Variants in ZNF492 observed in about 807,000 individuals in gnomAD.
ZNF492 encodes the protein zinc finger protein 115 (Y20).
In ZNF492, 3 loss-of-function variants were observed where a neutral mutation model predicts 6.4. That is an observed-to-expected ratio of 0.47 (90% CI 0.21 to 1.22). ZNF492 has a LOEUF of 1.22. ZNF492 is among the 50% of genes most tolerant of loss of function. ZNF492 has a pLI of 0.22. For synonymous variants in ZNF492, 112 were observed against 205.3 expected (o/e 0.55, Z 3.89); for missense variants, 356 against 612.5 (o/e 0.58, Z 4.42).
intron 1 of ZNF492, among the ~76,000 whole-genome samples, chr19:22,649,351 A>G (rs1342537787): frequency 6.6e-6 from 1 of 151,968 alleles, no homozygotes; most frequent in Non-Finnish European, 1.5e-5. Context: ...CTGTCTGACT[A>G]CCCTTAACAT....
In ZNF492 at chr19:22,642,384, C is replaced by CTTTTT. The variant is rs869202400; in HGVS notation, c.-94+7929_-94+7933dup. ...ATTAACAGCTAAATAAACCTTTTGT[C>CTTTTT]TTTTTTTTTTTTTTTTTTTTTTTGA... On this transcript the variant is annotated intron_variant, in intron 1 of 3. Coordinates refer to ENST00000456783, the MANE Select transcript of ZNF492 (RefSeq NM_020855.3). Among the ~76,000 whole-genome samples, 147 of 85,466 alleles carry CTTTTT rather than the reference C, an allele frequency of 1.7e-3. 5 individuals carry two copies. Among genetic ancestry groups the CTTTTT allele is most frequent in the Middle Eastern group, 0.01 (1 of 100 alleles). The allele number at this position is 85,466 out of a possible 152,430, so 56.1% of individuals were successfully genotyped here.
At chr19:22,652,027 T>G (rs910788315) in intron 1 of ZNF492, among the ~76,000 whole-genome samples, 35 of 152,252 alleles carry the variant, frequency 2.3e-4, no homozygotes, top group Admixed American at 1.8e-3. Flanking sequence ...ATCATAGCAG[T>G]GATGCCGTGT....
chr19:22,648,558 C>T (rs1434047503), intron 1 of ZNF492, among the ~76,000 whole-genome samples: 2 of 152,104 alleles, frequency 1.3e-5, no homozygotes, highest in East Asian at 1.9e-4. Context: ...TTAAAGTCTC[C>T]CACTGATTGT....
chr19:22,653,239 T>G, intron 1 of ZNF492, 68 bp from the exon 2 acceptor site: 1 of 1,566,784 alleles, frequency 6.4e-7, no homozygotes, highest in African/African-American at 1.4e-5. Context: ...TGTTTTACCT[T>G]GAGTCAAATT....
In ZNF492 at chr19:22,664,651, A is replaced by G; in HGVS notation, c.982A>G (p.Lys328Glu). ...FSQLSHLTTH[K>E]RIHSGEKPYK... is the part of the protein sequence containing the mutation. ...CCAGTTATCCCACCTTACTACACAT[A>G]AGAGAATTCATTCTGGAGAGAAACC... Residue 328 changes from lysine (K) to glutamate (E), a missense_variant, in exon 4 of 4, where the codon AAG (lysine) becomes GAG (glutamate). Physicochemically the swap from Lys to Glu is moderately conservative, Grantham distance 56. Transcript: ENST00000456783. 3.1e-6 allele frequency: 5 copies of G among 1,612,886 alleles called. No homozygotes were observed. The highest frequency in any genetic ancestry group is 4.2e-6 in the Non-Finnish European group (5 of 1,179,198).
rs189985588 is a variant in ZNF492, at chr19:22,653,286, G to A, written c.-93-21G>A. 1.2e-5 allele frequency: 20 copies of A among 1,609,906 alleles called. No individual in the cohort carries two copies. In the African/African-American group the frequency reaches 2.0e-4, roughly 16 times the overall value. On this transcript the variant is annotated intron_variant, in intron 1 of 3. Coordinates refer to ENST00000456783, the MANE Select transcript of ZNF492 (RefSeq NM_020855.3). ...TCATGGCCACTTGGTAAATATGTAT[G>A]TGTGTTTGTATGTTTTTCAGGGAGT...
rs1972084322 is a variant in ZNF492, at chr19:22,663,833, C to G, written c.164C>G (p.Pro55Arg). Residue 55 changes from proline to arginine, a missense_variant, in exon 4 of 4, where the codon CCA becomes CGA. Pro to Arg is a moderately radical substitution (Grantham distance 103). Coordinates refer to ENST00000456783, the MANE Select transcript of ZNF492 (RefSeq NM_020855.3). ...VCSYFARDLW[P>R]KQGKKNYFQK... The stretch of plus-strand genomic sequence containing the variant: ...TCTTATTTTGCCCGAGACCTTTGGC[C>G]AAAGCAGGGCAAAAAAAATTATTTC... 3.9e-6 allele frequency: 6 copies of G among 1,539,690 alleles called. No individual in the cohort carries two copies. In the South Asian group the frequency reaches 6.5e-5, roughly 17 times the overall value.
rs1313061754 is a variant in ZNF492, at chr19:22,655,801, C to T, written c.130+1786C>T. Among the ~76,000 whole-genome samples, 3 of 130,800 alleles carry T rather than the reference C, an allele frequency of 2.3e-5. No homozygotes were observed. In the South Asian group the frequency reaches 7.6e-4, roughly 33 times the overall value. The allele number at this position is 130,800 out of a possible 152,430, so 85.8% of individuals were successfully genotyped here. On this transcript the variant is annotated intron_variant, in intron 3 of 3. Coordinates refer to ENST00000456783, the MANE Select transcript of ZNF492 (RefSeq NM_020855.3). Reference sequence around the variant, plus strand: ...GAGTTTGAAGGAGCAAACACCTCTTCAAGTTTTTCTTGTTGTTTTTTTTTT... The same window carrying T: ...GAGTTTGAAGGAGCAAACACCTCTTTAAGTTTTTCTTGTTGTTTTTTTTTT...
At chr19:22,642,738 A>G (rs1324624837) in intron 1 of ZNF492, among the ~76,000 whole-genome samples, 1 of 151,980 alleles carries the variant, frequency 6.6e-6, no homozygotes, top group Non-Finnish European at 1.5e-5. Context: ...CCTGAGATTC[A>G]TTGCTTTGTG....
intron 1 of ZNF492, among the ~76,000 whole-genome samples, chr19:22,640,490 C>A (rs1163004170): frequency 6.6e-6 from 1 of 152,154 alleles, no homozygotes; most frequent in Non-Finnish European, 1.5e-5. Flanking sequence ...CCTTGCATCC[C>A]CAAAATAAAC....
In ZNF492 at chr19:22,637,122, A is replaced by G. The variant is rs189872774; in HGVS notation, c.-94+2648A>G. ...AGGCTCTTGCCACCACGCCCGGGTA[A>G]TTTTTTGTGTTTTTATTTATTTATT... is the stretch of plus-strand genomic sequence containing the variant. On this transcript the variant is annotated intron_variant, in intron 1 of 3. Transcript: ENST00000456783. Among the ~76,000 whole-genome samples the G allele has an allele frequency of 3.7e-3, 551 of 149,934 alleles. 5 individuals carry two copies. The highest frequency in any genetic ancestry group is 0.013 in the African/African-American group (523 of 40,562).
At chr19:22,650,133 G>T (rs1430696034) in intron 1 of ZNF492, among the ~76,000 whole-genome samples, 1 of 152,086 alleles carries the variant, frequency 6.6e-6, no homozygotes, top group East Asian at 1.9e-4. Flanking sequence ...TGTTGCTGTT[G>T]TTCATTTCTG....
chr19:22,645,832 G>A (rs1971871911), intron 1 of ZNF492, among the ~76,000 whole-genome samples: 1 of 152,098 alleles, frequency 6.6e-6, no homozygotes, highest in South Asian at 2.1e-4. Flanking sequence ...GATGGTTGTA[G>A]ACGTGTGGTG....
intron 1 of ZNF492, 109 bp from the exon 2 acceptor site, chr19:22,653,198 C>T: frequency 2.4e-6 from 3 of 1,250,340 alleles, no homozygotes; most frequent in Non-Finnish European, 3.3e-6. Flanking sequence ...ATCAGTCACT[C>T]CTATAAGTAA....
chr19:22,651,166 C>T (rs1337369171), intron 1 of ZNF492, among the ~76,000 whole-genome samples: 2 of 151,998 alleles, frequency 1.3e-5, no homozygotes, highest in East Asian at 3.9e-4. Flanking sequence ...TCCCCTGCCC[C>T]GTGTGGCTCT....
rs1405440419 is a variant in ZNF492, at chr19:22,664,649, A to G, written c.980A>G (p.His327Arg). Residue 327 changes from histidine (H) to arginine (R), a missense_variant, in exon 4 of 4, where the codon CAT (histidine) becomes CGT (arginine). Coordinates refer to ENST00000456783, the MANE Select transcript of ZNF492 (RefSeq NM_020855.3). ...AGCCAGTTATCCCACCTTACTACACATAAGAGAATTCATTCTGGAGAGAAA... is the reference window on the plus strand; with the variant it reads ...AGCCAGTTATCCCACCTTACTACACGTAAGAGAATTCATTCTGGAGAGAAA... ...AFSQLSHLTT[H>R]KRIHSGEKPY... 5 of 1,612,858 alleles carry G rather than the reference A, an allele frequency of 3.1e-6. No individual in the cohort carries two copies. The highest frequency in any genetic ancestry group is 2.2e-5 in the East Asian group (1 of 44,838).
intron 3 of ZNF492, among the ~76,000 whole-genome samples, chr19:22,654,353 A>G (rs939584511): frequency 7.2e-5 from 11 of 151,762 alleles, no homozygotes; most frequent in African/African-American, 2.7e-4. Flanking sequence ...GAGAAACTCT[A>G]TGTTAAACTG....
chr19:22,636,371 C>T (rs1356053524), intron 1 of ZNF492, among the ~76,000 whole-genome samples: 2 of 152,126 alleles, frequency 1.3e-5, no homozygotes, highest in East Asian at 1.9e-4. Context: ...GTTGGGATTA[C>T]AGGCATGAGC....
chr19:22,658,157 G>A (rs186333187), intron 3 of ZNF492, among the ~76,000 whole-genome samples: 14 of 152,006 alleles, frequency 9.2e-5, no homozygotes, highest in Non-Finnish European at 1.9e-4. Flanking sequence ...CATGGTGGTG[G>A]TTCACGTCTG....
Sources: gnomAD v4.1 joint callset for allele counts (sites outside exome capture counted in the v4.1 genomes callset) on GRCh38, gnomAD v4.1.1 for gene constraint, MANE v1.5 for transcripts, NCBI Gene and HGNC (gene_info 2026-07-23, HGNC 2026-07-21) for gene names.